Variants in IBTK observed in about 807,000 individuals in gnomAD.
The protein encoded by IBTK is inhibitor of Bruton tyrosine kinase, also known as BTK-binding protein.
A neutral mutation model predicts 154.9 loss-of-function variants in IBTK; 83 were observed. The ratio of observed to expected loss-of-function variants is 0.54; its 90% CI spans 0.45 to 0.64. The LOEUF (loss-of-function observed/expected upper bound fraction) is 0.64, where lower values mean the gene tolerates loss of function less well. Ranked by LOEUF, IBTK falls within the 30% of genes least tolerant of loss-of-function variation. IBTK has a pLI of 0.00. For synonymous variants in IBTK, 515 were observed against 536.1 expected (o/e 0.96, Z 0.54); for missense variants, 1,332 against 1,584.6 (o/e 0.84, Z 2.71).
chr6:82,227,557 GAAGAGATTACCCA>G (rs1394987023), intron 4 of IBTK, among the ~76,000 whole-genome samples: 74 of 152,064 alleles, frequency 4.9e-4, no homozygotes, highest in Non-Finnish European at 4.4e-4. Flanking sequence ...GTTACCCACA[GAAGAGATTACCCA>G]AAGGAAAATA....
intron 9 of IBTK, 150 bp downstream of exon 9, chr6:82,220,440 T>A (rs1458249712): frequency 1.5e-6 from 1 of 660,216 alleles, no homozygotes; most frequent in African/African-American, 1.9e-5. Flanking sequence ...TAGTAATGGA[T>A]GTCTAAAACA....
chr6:82,200,753 G>GTT (rs138809525), intron 19 of IBTK, 45 bp from the exon 20 acceptor site: 11,928 of 391,696 alleles, frequency 0.03, 63 homozygotes, highest in South Asian at 0.066. Flanking sequence ...AATCTGTGAA[G>GTT]TTTTTTTTTT....
intron 8 of IBTK, among the ~76,000 whole-genome samples, chr6:82,221,035 A>G (rs1407838166): frequency 6.6e-6 from 1 of 151,712 alleles, no homozygotes; most frequent in African/African-American, 2.4e-5. Context: ...GAGTTTAAAT[A>G]ACTGGTATGG....
intron 1 of IBTK, among the ~76,000 whole-genome samples, chr6:82,246,473 C>G (rs953395721): frequency 1.1e-5 from 1 of 92,494 alleles, no homozygotes; most frequent in African/African-American, 4.5e-5. Flanking sequence ...GAGATGGTGC[C>G]ACACTCAGTC....
chr6:82,241,163 C>A (rs749518721), intron 1 of IBTK, among the ~76,000 whole-genome samples: 8 of 152,116 alleles, frequency 5.3e-5, no homozygotes, highest in Non-Finnish European at 1.0e-4. Context: ...TTTCCACTCT[C>A]ATGTTTAAAG....
chr6:82,190,065 C>A (rs952509934), intron 25 of IBTK, among the ~76,000 whole-genome samples: 9 of 152,086 alleles, frequency 5.9e-5, no homozygotes, highest in Non-Finnish European at 1.3e-4. Context: ...CTAAGCTCAT[C>A]CTCTCCAGTT....
intron 26 of IBTK, among the ~76,000 whole-genome samples, chr6:82,180,471 T>G (rs183157874): frequency 1.3e-5 from 2 of 152,244 alleles, no homozygotes; most frequent in South Asian, 2.1e-4. Context: ...AGGCTGGTCT[T>G]GAACCCCTGG....
rs1475246503 is a variant in IBTK at position 82,201,996 on chromosome 6, G to A, written c.2730-514C>T. Among the ~76,000 whole-genome samples the A allele has an allele frequency of 7.2e-5, 11 of 152,194 alleles. No individual in the cohort carries two copies. The East Asian group carries it at 2.1e-3, about 29-fold the overall frequency. The stretch of plus-strand genomic sequence containing the variant: ...CTGCCTCAGCCTCCCAAAGTGCTGG[G>A]ATTACAAGCATAAGCCACCACACCC... On this transcript the variant is annotated intron_variant, in intron 18 of 28. Coordinates refer to ENST00000306270, the MANE Select transcript of IBTK (RefSeq NM_015525.4).
At position 82,240,506 on chromosome 6, in the gene IBTK, C is replaced by G; in HGVS notation, c.-20G>C. 2 of 1,590,530 alleles carry G rather than the reference C, an allele frequency of 1.3e-6. No homozygotes were observed. The highest frequency in any genetic ancestry group is 1.7e-6 in the Non-Finnish European group (2 of 1,166,992). On this transcript the variant is annotated 5_prime_UTR_variant, in exon 2 of 29. Coordinates refer to ENST00000306270, the MANE Select transcript of IBTK (RefSeq NM_015525.4). ...ACTCATCCTAACTGTTTTTATACCA[C>G]TTACTTCAGAATCGTGAAAACTAAT...
chr6:82,184,899 C>T lies in IBTK; in HGVS notation c.3576-2871G>A, dbSNP rs572351505. ...GAAGGATTTTAAAAACCAGTTACAT[C>T]GGCTGGGCGTGGTGGCTCACACCTG... is the stretch of plus-strand genomic sequence containing the variant. On this transcript the variant is annotated intron_variant, in intron 25 of 28. Transcript: ENST00000306270. Among the ~76,000 whole-genome samples the T allele has an allele frequency of 1.2e-4, 18 of 152,012 alleles. No individual in the cohort carries two copies. The South Asian group carries it at 1.2e-3, about 11-fold the overall frequency.
At chr6:82,182,110 C>T (rs896238804) in intron 25 of IBTK, 82 bp from the exon 26 acceptor site, 40 of 1,352,280 alleles carry the variant, frequency 3.0e-5, no homozygotes, top group East Asian at 2.0e-4. Context: ...ACAATAAGAA[C>T]GTATACCAAA....
At chr6:82,200,512 T>G in intron 20 of IBTK, 75 bp downstream of exon 20, 28 of 1,263,982 alleles carry the variant, frequency 2.2e-5, no homozygotes, top group Non-Finnish European at 3.0e-5. Context: ...ATGTCCAAGA[T>G]GAGAGTGAAG....
chr6:82,236,030 C>T (rs1770702759), intron 2 of IBTK, among the ~76,000 whole-genome samples: 1 of 152,120 alleles, frequency 6.6e-6, no homozygotes, highest in Non-Finnish European at 1.5e-5. Flanking sequence ...TGTGCCACCA[C>T]GCCCAGCTAC....
At chr6:82,206,064 C>A (rs1161842167) in intron 16 of IBTK, 1 of 151,924 alleles carries the variant, frequency 6.6e-6, no homozygotes, top group African/African-American at 2.4e-5. Flanking sequence ...TGGAAATCAG[C>A]CAAAAGCTTA....
chr6:82,187,509 G>C (rs532923741), intron 25 of IBTK, among the ~76,000 whole-genome samples: 1 of 151,972 alleles, frequency 6.6e-6, no homozygotes, highest in African/African-American at 2.4e-5. Context: ...AAACCCACAA[G>C]GGCAAAAATA....
intron 9 of IBTK, among the ~76,000 whole-genome samples, chr6:82,219,856 T>C (rs1217331802): frequency 1.3e-5 from 2 of 152,104 alleles, no homozygotes; most frequent in East Asian, 1.9e-4. Flanking sequence ...AAACTAAATA[T>C]GGAAAAAAAT....
chr6:82,207,720 C>T (rs1164783226), intron 16 of IBTK, among the ~76,000 whole-genome samples: 1 of 152,148 alleles, frequency 6.6e-6, no homozygotes, highest in Non-Finnish European at 1.5e-5. Flanking sequence ...CACTGCTGTA[C>T]TGGCATAAAG....
intron 25 of IBTK, among the ~76,000 whole-genome samples, chr6:82,188,225 A>AT (rs1385896219): frequency 6.6e-6 from 1 of 152,238 alleles, no homozygotes; most frequent in African/African-American, 2.4e-5. Flanking sequence ...CAATCAATAA[A>AT]TTGACAAAAT....
chr6:82,188,534 C>A (rs972749290), intron 25 of IBTK, among the ~76,000 whole-genome samples: 1 of 152,074 alleles, frequency 6.6e-6, no homozygotes, highest in African/African-American at 2.4e-5. Flanking sequence ...GTGGTACATA[C>A]GTGTGTGTTT....
Sources: allele counts gnomAD v4.1 joint callset (sites outside exome capture counted in the v4.1 genomes callset), GRCh38; gene constraint gnomAD v4.1.1; transcripts MANE v1.5; gene names NCBI Gene and HGNC (gene_info 2026-07-23, HGNC 2026-07-21).